The following NCOR1 variants were observed in gnomAD, a reference collection of about 807,000 sequenced individuals.
NCOR1 encodes nuclear receptor corepressor 1, also known as protein phosphatase 1, regulatory subunit 109.
In NCOR1, 63 loss-of-function variants were observed where a neutral mutation model predicts 288.1. The observed-to-expected ratio is 0.22, with a 90% CI of 0.18 to 0.27. The LOEUF (loss-of-function observed/expected upper bound fraction) is 0.27, where lower values mean the gene tolerates loss of function less well. NCOR1 is among the 10% of genes least tolerant of loss of function. The pLI is 1.00. For missense variants in NCOR1, 2,397 were observed against 3,019.2 expected (o/e 0.79, Z 4.83); for synonymous variants, 1,007 against 1,065.9 (o/e 0.94, Z 1.08).
At chr17:16,082,569 A>T (rs1238628041) in intron 23 of NCOR1, among the ~76,000 whole-genome samples, 2 of 151,996 alleles carry the variant, frequency 1.3e-5, no homozygotes, top group Admixed American at 6.6e-5. Flanking sequence ...TAAAAAAAAA[A>T]TTAAAAGCCA....
intron 43 of NCOR1, chr17:16,040,070 G>A (rs1360738206): frequency 9.0e-6 from 4 of 444,754 alleles, no homozygotes; most frequent in African/African-American, 2.0e-5. Flanking sequence ...GATTACAGGC[G>A]TGAGCCACCG....
intron 6 of NCOR1, among the ~76,000 whole-genome samples, chr17:16,156,392 C>T (rs546918323): frequency 6.7e-6 from 1 of 148,948 alleles, no homozygotes; most frequent in Non-Finnish European, 1.5e-5. Context: ...GCTGAGATTG[C>T]GCCACAGCAC....
chr17:16,184,051 T>C (rs2086092336), intron 3 of NCOR1, among the ~76,000 whole-genome samples: 1 of 152,172 alleles, frequency 6.6e-6, no homozygotes, highest in African/African-American at 2.4e-5. Context: ...AATTAGACCC[T>C]TGTTTTACAG....
intron 21 of NCOR1, among the ~76,000 whole-genome samples, chr17:16,093,337 T>C (rs1282797407): frequency 6.6e-6 from 1 of 152,236 alleles, no homozygotes; most frequent in Admixed American, 6.5e-5. Flanking sequence ...AAATGGACTG[T>C]TCCTTAAGAT....
intron 42 of NCOR1, among the ~76,000 whole-genome samples, chr17:16,043,752 T>C (rs1274233955): frequency 2.0e-5 from 3 of 152,224 alleles, no homozygotes; most frequent in Non-Finnish European, 4.4e-5. Flanking sequence ...CTCACACAGA[T>C]TCATCTCTGA....
chr17:16,166,005 A>G (rs1378963660), intron 4 of NCOR1, among the ~76,000 whole-genome samples: 1 of 152,262 alleles, frequency 6.6e-6, no homozygotes, highest in African/African-American at 2.4e-5. Flanking sequence ...AGGAACTGTG[A>G]AAAGTCAATA....
At chr17:16,176,291 C>CA (rs1270871635) in intron 3 of NCOR1, among the ~76,000 whole-genome samples, 1 of 152,122 alleles carries the variant, frequency 6.6e-6, no homozygotes, top group African/African-American at 2.4e-5. Context: ...TTGTTTGAAA[C>CA]AGAGTGTCAC....
At chr17:16,045,817 A>T (rs1235858595) in intron 42 of NCOR1, among the ~76,000 whole-genome samples, 2 of 150,430 alleles carry the variant, frequency 1.3e-5, no homozygotes, top group East Asian at 3.9e-4. Context: ...ATTTAAAAAA[A>T]ATTTTTTTTT....
In NCOR1 at chr17:16,136,036, A is replaced by T. The variant is rs148337224; in HGVS notation, c.1509+1275T>A. On this transcript the variant is annotated intron_variant, in intron 14 of 45. Transcript: ENST00000268712. Reference sequence around the variant, plus strand: ...CCATATTAACTGTGGTGGTGGCAGTAGCGCAGCAGTCTCTCTGGTAAGCAC... The same window carrying T: ...CCATATTAACTGTGGTGGTGGCAGTTGCGCAGCAGTCTCTCTGGTAAGCAC... Among the ~76,000 whole-genome samples, 135 of 152,366 alleles carry T rather than the reference A, an allele frequency of 8.9e-4. 3 individuals carry two copies. Among genetic ancestry groups the T allele is most frequent in the African/African-American group, 3.1e-3 (131 of 41,598 alleles).
chr17:16,043,405 T>TA (rs991252674), intron 42 of NCOR1, among the ~76,000 whole-genome samples: 42 of 148,754 alleles, frequency 2.8e-4, no homozygotes, highest in African/African-American at 6.4e-4. Context: ...GTTCTTGCAA[T>TA]AAAAAAAAAA....
At chr17:16,126,310 G>A in intron 14 of NCOR1, 104 bp from the exon 15 acceptor site, 3 of 1,172,244 alleles carry the variant, frequency 2.6e-6, no homozygotes, top group Non-Finnish European at 3.5e-6. Context: ...ATGATTGTTA[G>A]TCATTTACAA....
intron 20 of NCOR1, among the ~76,000 whole-genome samples, chr17:16,099,076 T>C (rs982984903): frequency 2.6e-5 from 4 of 152,280 alleles, no homozygotes; most frequent in South Asian, 2.1e-4. Flanking sequence ...TGGCTTCTCA[T>C]GAAAAATGGA....
chr17:16,158,000 G>A (rs2080094535), intron 6 of NCOR1, among the ~76,000 whole-genome samples: 1 of 150,742 alleles, frequency 6.6e-6, no homozygotes, highest in Admixed American at 6.6e-5. Flanking sequence ...TGAGACTTGA[G>A]TTTTGGTCTG....
chr17:16,125,948 A>C, intron 15 of NCOR1, 134 bp downstream of exon 15: 1 of 506,164 alleles, frequency 2.0e-6, no homozygotes, highest in Non-Finnish European at 3.3e-6. Context: ...TATTTGGGCG[A>C]TGGTACACTA....
At chr17:16,107,308 G>A (rs927091746) in intron 19 of NCOR1, among the ~76,000 whole-genome samples, 2 of 152,014 alleles carry the variant, frequency 1.3e-5, no homozygotes, top group African/African-American at 4.8e-5. Flanking sequence ...ATTTGAAGAC[G>A]AGGCCTTTAA....
chr17:16,175,023 T>C lies in NCOR1; in HGVS notation c.243-3028A>G, dbSNP rs1288292308. 5.4e-5 allele frequency among the ~76,000 whole-genome samples: 8 copies of C among 148,534 alleles called. No homozygotes were observed. In the East Asian group the frequency reaches 1.4e-3, roughly 25 times the overall value. Reference sequence around the variant, plus strand: ...CCATCAGCTGATAAAAATAGATAAATAAACTGTGGTATAAAAAAAAAAAAA... The same window carrying C: ...CCATCAGCTGATAAAAATAGATAAACAAACTGTGGTATAAAAAAAAAAAAA... On this transcript the variant is annotated intron_variant, in intron 3 of 45. Coordinates refer to ENST00000268712, the MANE Select transcript of NCOR1 (RefSeq NM_006311.4).
At chr17:16,189,393 C>CA (rs2153537764) in intron 2 of NCOR1, among the ~76,000 whole-genome samples, 1 of 150,650 alleles carries the variant, frequency 6.6e-6, no homozygotes, top group South Asian at 2.1e-4. Context: ...GACTCTGTCT[C>CA]AAAAAATAAA....
chr17:16,153,206 T>C, intron 7 of NCOR1, 133 bp downstream of exon 7: 2 of 602,256 alleles, frequency 3.3e-6, no homozygotes, highest in Non-Finnish European at 2.9e-6. Context: ...TTAAACTTCA[T>C]CTCAAGCTAC....
chr17:16,071,702 G>A (rs1350106880), intron 29 of NCOR1, 37 bp from the exon 30 acceptor site: 1 of 1,579,884 alleles, frequency 6.3e-7, no homozygotes, highest in Non-Finnish European at 8.6e-7. Context: ...AAATAATGCT[G>A]ATGGTTGCAC....
Sources: gnomAD v4.1 joint callset for allele counts (sites outside exome capture counted in the v4.1 genomes callset) on GRCh38, gnomAD v4.1.1 for gene constraint, MANE v1.5 for transcripts, NCBI Gene and HGNC (gene_info 2026-07-23, HGNC 2026-07-21) for gene names.